GXYLT1: variants seen among roughly 807,000 people sequenced by gnomAD.
GXYLT1 encodes glycosyltransferase 8 domain containing 3.
GXYLT1 carries 29 observed loss-of-function variants against 54.0 expected under a neutral mutation model. The ratio of observed to expected loss-of-function variants is 0.54; its 90% CI spans 0.40 to 0.73. GXYLT1 has a LOEUF of 0.73. Among genes scored for constraint, GXYLT1 ranks in the 30% least tolerant of loss-of-function variants. GXYLT1 has a pLI of 0.00. For synonymous variants in GXYLT1, 176 were observed against 204.1 expected, an observed-to-expected ratio of 0.86 and a Z score of 1.17; for missense variants, 490 against 553.4, an observed-to-expected ratio of 0.89 and a Z score of 1.15.
intron 1 of GXYLT1, among the ~76,000 whole-genome samples, chr12:42,130,061 T>C (rs908659824): frequency 2.6e-5 from 4 of 152,206 alleles, no homozygotes; most frequent in Non-Finnish European, 4.4e-5. Flanking sequence ...ACCCTGAAGG[T>C]AGACTATACT....
At chr12:42,129,646 AAATT>A (rs1326560274) in intron 2 of GXYLT1, 109 bp downstream of exon 2, 26 of 623,884 alleles carry the variant, frequency 4.2e-5, no homozygotes, top group African/African-American at 1.1e-4. Flanking sequence ...ATAAGAAAAT[AAATT>A]ATTTGTATAA....
At chr12:42,098,158 A>G (rs2136880704) in intron 5 of GXYLT1, 125 bp from the exon 6 acceptor site, 5 of 809,710 alleles carry the variant, frequency 6.2e-6, no homozygotes, top group Non-Finnish European at 1.0e-5. Flanking sequence ...AACTCCTCAC[A>G]ATATCAAGTG....
rs564654830 is a variant in GXYLT1, at chr12:42,124,075, TA to T, written c.315-4905del. 1.2e-4 allele frequency among the ~76,000 whole-genome samples: 18 copies of T among 151,656 alleles called. No homozygotes were observed. In the East Asian group the frequency reaches 3.5e-3, roughly 29 times the overall value. On this transcript the variant is annotated intron_variant, in intron 2 of 7. Transcript: ENST00000398675. ...AAGCTAGGATTTTTATATAAAGCAT[TA>T]AAAAAATCTAAAAATCCAACATGAA... is the stretch of plus-strand genomic sequence containing the variant.
intron 3 of GXYLT1, among the ~76,000 whole-genome samples, chr12:42,111,072 T>C (rs1447209900): frequency 3.3e-5 from 5 of 152,214 alleles, no homozygotes; most frequent in Admixed American, 6.5e-5. Flanking sequence ...ACTCCCAAAA[T>C]TGGCAGCAGT....
At chr12:42,089,861 C>T (rs1206502268) in intron 7 of GXYLT1, among the ~76,000 whole-genome samples, 1 of 152,096 alleles carries the variant, frequency 6.6e-6, no homozygotes, top group Non-Finnish European at 1.5e-5. Context: ...TAAACTTCAC[C>T]AAGTGATACT....
chr12:42,143,200 C>T (rs2065661482), intron 1 of GXYLT1, among the ~76,000 whole-genome samples: 1 of 152,086 alleles, frequency 6.6e-6, no homozygotes, highest in South Asian at 2.1e-4. Context: ...CAATTCTACC[C>T]CATATAAAAA....
At chr12:42,097,756 T>A in intron 6 of GXYLT1, 142 bp from the exon 7 acceptor site, 1 of 1,017,786 alleles carries the variant, frequency 9.8e-7, no homozygotes, top group Non-Finnish European at 1.4e-6. Flanking sequence ...CTCTTCCAAT[T>A]AAAGCAAAAT....
At chr12:42,097,879 T>C in intron 6 of GXYLT1, 31 bp downstream of exon 6, 1 of 1,495,386 alleles carries the variant, frequency 6.7e-7, no homozygotes, top group Non-Finnish European at 9.2e-7. Flanking sequence ...GTGATTTTTT[T>C]AATGCAAATA....
At chr12:42,134,656 C>G (rs1372749930) in intron 1 of GXYLT1, among the ~76,000 whole-genome samples, 1 of 152,204 alleles carries the variant, frequency 6.6e-6, no homozygotes, top group Non-Finnish European at 1.5e-5. Context: ...CATTCATGTT[C>G]CTATACCTGC....
At chr12:42,142,599 C>CT (rs2065658199) in intron 1 of GXYLT1, among the ~76,000 whole-genome samples, 1 of 152,116 alleles carries the variant, frequency 6.6e-6, no homozygotes, top group Non-Finnish European at 1.5e-5. Context: ...CCCACTCAGC[C>CT]TCCCCAAATT....
chr12:42,101,394 TAC>T (rs1482868486), intron 5 of GXYLT1, among the ~76,000 whole-genome samples: 2 of 152,066 alleles, frequency 1.3e-5, no homozygotes, highest in Non-Finnish European at 2.9e-5. Context: ...CCATACTAGG[TAC>T]ACACAAAAAG....
rs549548272 is a variant in GXYLT1, at chr12:42,086,346, T to C, written c.*1440A>G. ...ACTGAACTGCAGACGACAGAACAACTGTACTAACCATCTCTTTCTGCATAT... is the reference window on the plus strand; with the variant it reads ...ACTGAACTGCAGACGACAGAACAACCGTACTAACCATCTCTTTCTGCATAT... On this transcript the variant is annotated 3_prime_UTR_variant, in exon 8 of 8. Transcript: ENST00000398675. 2 of 152,382 alleles carry C rather than the reference T, an allele frequency of 1.3e-5. No homozygotes were observed. The highest frequency in any genetic ancestry group is 2.4e-5 in the African/African-American group (1 of 41,586). The allele number at this position is 152,382 out of a possible 1,614,324, so 9.4% of individuals were successfully genotyped here. A position where few individuals can be genotyped will look rare whatever the true frequency, so the allele number is the denominator to read the frequency against.
chr12:42,109,194 CT>C (rs2065437649), intron 4 of GXYLT1, among the ~76,000 whole-genome samples: 1 of 152,172 alleles, frequency 6.6e-6, no homozygotes, highest in Non-Finnish European at 1.5e-5. Context: ...TTCTCAAACT[CT>C]AAATGCTGCC....
At chr12:42,117,629 A>C (rs756707181) in intron 3 of GXYLT1, among the ~76,000 whole-genome samples, 6 of 152,226 alleles carry the variant, frequency 3.9e-5, no homozygotes, top group Non-Finnish European at 7.3e-5. Flanking sequence ...CAGACAATAG[A>C]GAGGGAGGAA....
At chr12:42,120,022 T>G (rs1429492553) in intron 2 of GXYLT1, among the ~76,000 whole-genome samples, 13 of 152,130 alleles carry the variant, frequency 8.5e-5, no homozygotes, top group Non-Finnish European at 2.9e-5. Context: ...AATAAATTAA[T>G]TCATTACTCA....
At chr12:42,097,761 C>A in intron 6 of GXYLT1, 147 bp from the exon 7 acceptor site, 1 of 1,020,214 alleles carries the variant, frequency 9.8e-7, no homozygotes. Flanking sequence ...CCAATTAAAG[C>A]AAAATTCAAG....
intron 2 of GXYLT1, among the ~76,000 whole-genome samples, chr12:42,128,880 T>C (rs1445958252): frequency 1.3e-5 from 2 of 152,036 alleles, no homozygotes; most frequent in Non-Finnish European, 2.9e-5. Flanking sequence ...TTGCTTTTGT[T>C]GCCCAGGCTG....
chr12:42,137,699 T>G (rs911177422), intron 1 of GXYLT1, among the ~76,000 whole-genome samples: 2 of 141,122 alleles, frequency 1.4e-5, no homozygotes, highest in African/African-American at 2.7e-5. Flanking sequence ...GGAGCTTGCC[T>G]TGAGCCGAGA....
At chr12:42,143,163 A>T (rs2065661362) in intron 1 of GXYLT1, among the ~76,000 whole-genome samples, 1 of 152,206 alleles carries the variant, frequency 6.6e-6, no homozygotes, top group Admixed American at 6.5e-5. Flanking sequence ...ATTTCATTCA[A>T]TATTTAATTA....
Sources: gnomAD v4.1 joint callset for allele counts (sites outside exome capture counted in the v4.1 genomes callset) on GRCh38, gnomAD v4.1.1 for gene constraint, MANE v1.5 for transcripts, NCBI Gene and HGNC (gene_info 2026-07-23, HGNC 2026-07-21) for gene names.